Variants in NBEA observed in about 807,000 individuals in gnomAD.
The protein encoded by NBEA is neurobeachin, also known as lysosomal-trafficking regulator 2.
Under a neutral mutation model 343.4 loss-of-function variants are expected in NBEA, and 44 were observed. That is an observed-to-expected ratio of 0.13 (90% CI 0.10 to 0.16). NBEA has a LOEUF of 0.16. Ranked by LOEUF, NBEA falls within the 10% of genes least tolerant of loss-of-function variation. The pLI, the probability that NBEA is intolerant of heterozygous loss-of-function variation, is 1.00. For missense variants in NBEA, 2,555 were observed against 3,631.3 expected, an observed-to-expected ratio of 0.70 and a Z score of 7.62; for synonymous variants, 1,175 against 1,238.7, an observed-to-expected ratio of 0.95 and a Z score of 1.08.
chr13:35,424,943 T>C (rs994970242), intron 38 of NBEA, among the ~76,000 whole-genome samples: 13 of 152,328 alleles, frequency 8.5e-5, no homozygotes, highest in Middle Eastern at 3.4e-3. Flanking sequence ...CATAGAGGTG[T>C]TTATAGTATT....
At chr13:35,288,813 C>T (rs2035607835) in intron 34 of NBEA, among the ~76,000 whole-genome samples, 1 of 151,826 alleles carries the variant, frequency 6.6e-6, no homozygotes, top group Non-Finnish European at 1.5e-5. Context: ...TGGCCTTTTA[C>T]TTGTTTTTTC....
chr13:35,044,849 GAGATAA>G, intron 2 of NBEA, 92 bp from the exon 3 acceptor site: 1 of 658,340 alleles, frequency 1.5e-6, no homozygotes, highest in Admixed American at 2.6e-5. Flanking sequence ...GAGAGAGAGA[GAGATAA>G]CAATGATAAC....
intron 49 of NBEA, among the ~76,000 whole-genome samples, chr13:35,640,224 G>C (rs1431675514): frequency 2.6e-5 from 4 of 152,134 alleles, no homozygotes; most frequent in Admixed American, 1.3e-4. Flanking sequence ...TCAATTCCAG[G>C]TATGTATCTT....
chr13:35,385,645 G>A (rs1432408112), intron 38 of NBEA, among the ~76,000 whole-genome samples: 1 of 152,168 alleles, frequency 6.6e-6, no homozygotes, highest in East Asian at 1.9e-4. Flanking sequence ...CGAGGCTGCA[G>A]TGAGCCATGA....
chr13:35,069,035 T>G (rs1783512476), intron 8 of NBEA, among the ~76,000 whole-genome samples: 1 of 152,166 alleles, frequency 6.6e-6, no homozygotes, highest in South Asian at 2.1e-4. Context: ...ATCAGCCTAA[T>G]GATTTGCTCA....
At chr13:35,561,500 A>G (rs1332680255) in intron 44 of NBEA, among the ~76,000 whole-genome samples, 2 of 152,170 alleles carry the variant, frequency 1.3e-5, no homozygotes, top group African/African-American at 2.4e-5. Flanking sequence ...TTAGATTAAA[A>G]CAGTACCAAA....
At chr13:35,437,503 T>C (rs2045505967) in intron 39 of NBEA, among the ~76,000 whole-genome samples, 1 of 152,160 alleles carries the variant, frequency 6.6e-6, no homozygotes. Context: ...GAGGTTGTCA[T>C]GTGCAAAAGA....
chr13:34,944,340 TG>T (rs1171596042), intron 1 of NBEA, among the ~76,000 whole-genome samples: 1 of 152,240 alleles, frequency 6.6e-6, no homozygotes, highest in Non-Finnish European at 1.5e-5. Flanking sequence ...GCTACATCAG[TG>T]GTGTCCTGAG....
At chr13:35,569,986 A>G (rs142144430) in intron 45 of NBEA, among the ~76,000 whole-genome samples, 458 of 152,346 alleles carry the variant, frequency 3.0e-3, no homozygotes, top group Admixed American at 8.4e-3. Context: ...TTCTACAGTA[A>G]CTGAAGATAT....
chr13:35,143,155 G>A (rs2068189906), intron 18 of NBEA, among the ~76,000 whole-genome samples: 1 of 152,140 alleles, frequency 6.6e-6, no homozygotes, highest in African/African-American at 2.4e-5. Context: ...AATAATATAT[G>A]AGTTGTAAAA....
intron 1 of NBEA, among the ~76,000 whole-genome samples, chr13:34,958,261 T>C (rs1198151675): frequency 6.6e-6 from 1 of 152,164 alleles, no homozygotes; most frequent in East Asian, 1.9e-4. Context: ...TTAGGTCTTA[T>C]ATTGGAGACT....
intron 38 of NBEA, among the ~76,000 whole-genome samples, chr13:35,402,178 T>C (rs1435180180): frequency 1.3e-5 from 2 of 151,960 alleles, no homozygotes; most frequent in African/African-American, 4.8e-5. Flanking sequence ...ATAACAGATA[T>C]AAATCTCGAA....
At chr13:35,664,191 G>T (rs1246138564) in intron 55 of NBEA, among the ~76,000 whole-genome samples, 1 of 152,170 alleles carries the variant, frequency 6.6e-6, no homozygotes, top group Non-Finnish European at 1.5e-5. Flanking sequence ...GGGCTATTCA[G>T]GGGGAGGTGC....
chr13:35,162,052 A>C (rs1050954424), intron 23 of NBEA, 85 bp downstream of exon 23: 24 of 1,124,730 alleles, frequency 2.1e-5, no homozygotes, highest in Non-Finnish European at 2.9e-5. Flanking sequence ...CAAAACCAAA[A>C]ATCTGCCTTG....
At chr13:35,500,257 A>G (rs926875304) in intron 41 of NBEA, among the ~76,000 whole-genome samples, 1 of 152,086 alleles carries the variant, frequency 6.6e-6, no homozygotes, top group Admixed American at 6.6e-5. Flanking sequence ...GCCTGCTTCA[A>G]TCCAATTAGG....
intron 1 of NBEA, among the ~76,000 whole-genome samples, chr13:34,965,864 GT>G (rs1333943735): frequency 6.6e-6 from 1 of 152,000 alleles, no homozygotes; most frequent in East Asian, 1.9e-4. Context: ...AGAATTATCT[GT>G]TGTTGTTTGT....
At chr13:35,106,534 T>C (rs1279778356) in intron 11 of NBEA, among the ~76,000 whole-genome samples, 1 of 151,848 alleles carries the variant, frequency 6.6e-6, no homozygotes, top group African/African-American at 2.4e-5. Context: ...TTTTTTACAC[T>C]AACAATAATA....
intron 34 of NBEA, among the ~76,000 whole-genome samples, chr13:35,276,314 C>A (rs1354534055): frequency 6.6e-6 from 1 of 151,844 alleles, no homozygotes; most frequent in African/African-American, 2.4e-5. Context: ...AAAAAAGAGG[C>A]TATGTTTAGA....
chr13:34,964,065 T>C (rs1205475443), intron 1 of NBEA, among the ~76,000 whole-genome samples: 1 of 151,996 alleles, frequency 6.6e-6, no homozygotes, highest in Non-Finnish European at 1.5e-5. Flanking sequence ...AAATTAAGCT[T>C]CAGACACAGG....
Sources: allele counts gnomAD v4.1 joint callset (sites outside exome capture counted in the v4.1 genomes callset), GRCh38; gene constraint gnomAD v4.1.1; transcripts MANE v1.5; gene names NCBI Gene and HGNC (gene_info 2026-07-23, HGNC 2026-07-21).